The following STX18 variants were observed in gnomAD, a reference collection of about 807,000 sequenced individuals.
The protein encoded by STX18 is syntaxin-18.
A neutral mutation model predicts 50.1 loss-of-function variants in STX18; 40 were observed. The ratio of observed to expected loss-of-function variants is 0.80; its 90% CI spans 0.62 to 1.04. The LOEUF is 1.04. STX18 is among the 50% of genes least tolerant of loss of function. STX18 has a pLI of 0.00. For missense variants in STX18, 410 were observed against 415.8 expected (o/e 0.99, Z 0.12); for synonymous variants, 158 against 151.8 (o/e 1.04, Z -0.30).
intron 6 of STX18, among the ~76,000 whole-genome samples, chr4:4,436,813 G>A (rs1279554516): frequency 6.6e-6 from 1 of 152,170 alleles, no homozygotes; most frequent in East Asian, 1.9e-4. Flanking sequence ...GGGCTTCACT[G>A]ATCCCCACGG....
At chr4:4,424,799 T>TC (rs1725158640) in intron 8 of STX18, among the ~76,000 whole-genome samples, 1 of 152,174 alleles carries the variant, frequency 6.6e-6, no homozygotes, top group African/African-American at 2.4e-5. Flanking sequence ...GAAGAGGGCT[T>TC]CCCTTGGTTA....
chr4:4,425,656 T>A (rs1266870762), intron 7 of STX18: 1 of 165,660 alleles, frequency 6.0e-6, no homozygotes, highest in African/African-American at 2.4e-5. Flanking sequence ...GTGGGGAGGG[T>A]CTGGAGAGGA....
At chr4:4,471,539 T>G (rs1490340753) in intron 2 of STX18, 100 bp downstream of exon 2, 13 of 763,966 alleles carry the variant, frequency 1.7e-5, no homozygotes, top group Non-Finnish European at 2.6e-5. Context: ...ATTACAACTC[T>G]GAGTTATTAA....
At chr4:4,540,838 A>G (rs1731552736) in intron 1 of STX18, among the ~76,000 whole-genome samples, 1 of 152,218 alleles carries the variant, frequency 6.6e-6, no homozygotes, top group Non-Finnish European at 1.5e-5. Flanking sequence ...GTGTCTATAC[A>G]GTGCCAAGTG....
chr4:4,541,243 A>G (rs1731576249), intron 1 of STX18, among the ~76,000 whole-genome samples: 1 of 152,222 alleles, frequency 6.6e-6, no homozygotes, highest in African/African-American at 2.4e-5. Flanking sequence ...GGGAACAGAA[A>G]GTAGTTGAGG....
chr4:4,470,333 G>A (rs1441580787), intron 2 of STX18, among the ~76,000 whole-genome samples: 3 of 152,276 alleles, frequency 2.0e-5, no homozygotes, highest in South Asian at 4.1e-4. Context: ...AAACAAAAAT[G>A]TCTCCAGACA....
chr4:4,513,038 T>C (rs576603837), intron 1 of STX18, among the ~76,000 whole-genome samples: 2 of 152,216 alleles, frequency 1.3e-5, no homozygotes, highest in African/African-American at 2.4e-5. Flanking sequence ...ATAATATACA[T>C]ATCAAACGGA....
At chr4:4,518,942 CT>C (rs1222558900) in intron 1 of STX18, among the ~76,000 whole-genome samples, 1 of 152,136 alleles carries the variant, frequency 6.6e-6, no homozygotes, top group Non-Finnish European at 1.5e-5. Context: ...AGGTCTTTCC[CT>C]TTTTAAACAA....
chr4:4,483,902 C>T (rs1728574391), intron 1 of STX18, among the ~76,000 whole-genome samples: 1 of 152,004 alleles, frequency 6.6e-6, no homozygotes, highest in Admixed American at 6.6e-5. Context: ...GCTCCTGTTG[C>T]CCAGGCTGGA....
chr4:4,441,935 A>T (rs1726127588), intron 5 of STX18, among the ~76,000 whole-genome samples: 1 of 152,246 alleles, frequency 6.6e-6, no homozygotes, highest in Non-Finnish European at 1.5e-5. Flanking sequence ...AAAAGAAGCA[A>T]GTATGGTAAA....
intron 1 of STX18, among the ~76,000 whole-genome samples, chr4:4,474,419 ATACCTGC>A (rs1366716258): frequency 6.6e-6 from 1 of 152,228 alleles, no homozygotes; most frequent in Non-Finnish European, 1.5e-5. Flanking sequence ...CAGAAGGATT[ATACCTGC>A]TACCGTAGGC....
rs562087445 is a variant in STX18 at position 4,540,728 on chromosome 4, C to A, written c.168+1069G>T. On this transcript the variant is annotated intron_variant, in intron 1 of 10. Transcript: ENST00000306200. ...GCTTCATAGACGGTCATCAATAGGG[C>A]GAGTGTATTCATCTGGTCCAATCCC... Among the ~76,000 whole-genome samples the A allele has an allele frequency of 2.6e-5, 4 of 152,236 alleles. No individual in the cohort carries two copies. The South Asian group carries it at 6.2e-4, about 24-fold the overall frequency.
chr4:4,452,508 T>C (rs73086244), intron 5 of STX18, among the ~76,000 whole-genome samples: 8,294 of 152,246 alleles, frequency 0.054, 745 homozygotes, highest in African/African-American at 0.19. Context: ...ATGCAGCAGA[T>C]GATTTTAAGC....
At chr4:4,440,369 A>C (rs1560165059) in intron 5 of STX18, among the ~76,000 whole-genome samples, 1 of 152,238 alleles carries the variant, frequency 6.6e-6, no homozygotes, top group Non-Finnish European at 1.5e-5. Flanking sequence ...CAACCTTTTA[A>C]CAAAGGAGGA....
intron 1 of STX18, among the ~76,000 whole-genome samples, chr4:4,509,537 T>C (rs1364114013): frequency 2.0e-5 from 3 of 152,184 alleles, no homozygotes; most frequent in Non-Finnish European, 4.4e-5. Flanking sequence ...AAAATTTAAC[T>C]TGGAGTCGAA....
chr4:4,463,442 T>C (rs1163185624), intron 2 of STX18, among the ~76,000 whole-genome samples: 1 of 152,248 alleles, frequency 6.6e-6, no homozygotes, highest in East Asian at 1.9e-4. Context: ...GTGGCTGTTA[T>C]TTGCTGACCT....
chr4:4,475,709 A>G (rs1037250435), intron 1 of STX18, among the ~76,000 whole-genome samples: 5 of 152,252 alleles, frequency 3.3e-5, no homozygotes, highest in African/African-American at 1.2e-4. Context: ...ACCGCATATT[A>G]TAGCGCATAC....
chr4:4,423,681 G>A, intron 8 of STX18, 94 bp from the exon 9 acceptor site: 1 of 1,238,190 alleles, frequency 8.1e-7, no homozygotes, highest in Non-Finnish European at 1.1e-6. Flanking sequence ...TCTTCTACGT[G>A]AAGGTGGGAG....
At chr4:4,430,385 A>G (rs1397666744) in intron 7 of STX18, among the ~76,000 whole-genome samples, 3 of 152,394 alleles carry the variant, frequency 2.0e-5, no homozygotes, top group African/African-American at 7.2e-5. Flanking sequence ...TAGTCAGACT[A>G]TAAGATATGG....
Sources: allele counts gnomAD v4.1 joint callset (sites outside exome capture counted in the v4.1 genomes callset), GRCh38; gene constraint gnomAD v4.1.1; transcripts MANE v1.5; gene names NCBI Gene and HGNC (gene_info 2026-07-23, HGNC 2026-07-21).